Variants in ANO1 observed in about 807,000 individuals in gnomAD.
ANO1 encodes the protein anoctamin-1.
In ANO1, 59 loss-of-function variants were observed where a neutral mutation model predicts 124.0. The ratio of observed to expected loss-of-function variants is 0.48; its 90% CI spans 0.39 to 0.59. The LOEUF (loss-of-function observed/expected upper bound fraction) is 0.59, where lower values mean the gene tolerates loss of function less well. Among genes scored for constraint, ANO1 ranks in the 20% least tolerant of loss-of-function variants. ANO1 has a pLI of 0.00. For synonymous variants in ANO1, 529 were observed against 532.0 expected (o/e 0.99, Z 0.08); for missense variants, 1,059 against 1,328.0 (o/e 0.80, Z 3.15).
intron 23 of ANO1, among the ~76,000 whole-genome samples, chr11:70,180,424 C>G (rs1383619312): frequency 1.3e-5 from 2 of 152,158 alleles, no homozygotes; most frequent in African/African-American, 2.4e-5. Flanking sequence ...AGGCACCCAC[C>G]ACCACACCTG....
chr11:70,102,981 A>G (rs1371337146), intron 2 of ANO1, 85 bp from the exon 3 acceptor site: 1 of 934,486 alleles, frequency 1.1e-6, no homozygotes. Context: ...TGCTCGATAA[A>G]TTGTGGTGGC....
chr11:70,179,411 A>G (rs1182943216), intron 22 of ANO1, among the ~76,000 whole-genome samples: 1 of 152,144 alleles, frequency 6.6e-6, no homozygotes. Flanking sequence ...GGGAAGACGA[A>G]TGGAGAGACC....
chr11:70,039,837 G>C (rs1342357415), intron 1 of ANO1, among the ~76,000 whole-genome samples: 2 of 152,186 alleles, frequency 1.3e-5, no homozygotes, highest in South Asian at 4.1e-4. Context: ...CAAAGAGCCA[G>C]CTTTTCAGCT....
At chr11:70,031,788 C>T (rs145372773) in intron 1 of ANO1, among the ~76,000 whole-genome samples, 3 of 152,338 alleles carry the variant, frequency 2.0e-5, no homozygotes, top group Non-Finnish European at 4.4e-5. Flanking sequence ...AGGCCGCCAG[C>T]CGACTCTCAG....
chr11:69,996,619 A>G (rs1856276198), intron 1 of ANO1, among the ~76,000 whole-genome samples: 1 of 152,164 alleles, frequency 6.6e-6, no homozygotes. Flanking sequence ...TCGTCCTTGA[A>G]CTGGTAACAG....
chr11:70,068,012 T>C (rs538028442), intron 1 of ANO1, among the ~76,000 whole-genome samples: 5 of 152,302 alleles, frequency 3.3e-5, no homozygotes, highest in South Asian at 4.1e-4. Context: ...ATAAATAGGC[T>C]GATTGCCCCT....
In ANO1 at chr11:70,104,108, T is replaced by A; in HGVS notation, c.650T>A (p.Met217Lys). 2 of 1,613,010 alleles carry A rather than the reference T, an allele frequency of 1.2e-6. No homozygotes were observed. Among genetic ancestry groups the A allele is most frequent in the Non-Finnish European group, 1.7e-6 (2 of 1,179,624 alleles). The change falls in exon 4 of 26, where the codon ATG becomes AAG. Residue 217 changes from methionine (M) to lysine (K), a missense_variant. Met to Lys is a moderately conservative substitution (Grantham distance 95). This residue lies in a region of ANO1 where 809 missense variants were observed against 1,094.9 expected (regional missense o/e 0.74). Coordinates refer to ENST00000355303, the MANE Select transcript of ANO1 (RefSeq NM_018043.7). The stretch of plus-strand genomic sequence containing the variant: ...GTGGCTGAGCACAGGCCCCAGACCA[T>A]GAAGAGACTCTCCTATCCCTTCTCC... ...PKVAEHRPQTMKRLSYPFSRE... is the reference protein window; with the variant it reads ...PKVAEHRPQTKKRLSYPFSRE...
At chr11:70,163,038 C>T (rs1422211925) in intron 18 of ANO1, among the ~76,000 whole-genome samples, 2 of 152,264 alleles carry the variant, frequency 1.3e-5, no homozygotes, top group African/African-American at 2.4e-5. Flanking sequence ...CTCTCAGTCT[C>T]GTGGCCTCTC....
chr11:70,155,082 A>G (rs1161502948), intron 14 of ANO1, among the ~76,000 whole-genome samples: 1 of 152,248 alleles, frequency 6.6e-6, no homozygotes, highest in Non-Finnish European at 1.5e-5. Context: ...TATGGCCTCC[A>G]AGACAGCCCA....
At chr11:70,001,635 A>G (rs868913848) in intron 1 of ANO1, among the ~76,000 whole-genome samples, 4 of 152,334 alleles carry the variant, frequency 2.6e-5, no homozygotes, top group African/African-American at 9.6e-5. Context: ...ATCCATGGGG[A>G]TAGAAACCAG....
chr11:70,036,084 C>G (rs1857088685), intron 1 of ANO1, among the ~76,000 whole-genome samples: 1 of 152,174 alleles, frequency 6.6e-6, no homozygotes, highest in African/African-American at 2.4e-5. Flanking sequence ...CCACCATCAA[C>G]TGGGGGCCTT....
At chr11:70,187,224 C>T (rs12221961) in intron 25 of ANO1, among the ~76,000 whole-genome samples, 33,864 of 152,226 alleles carry the variant, frequency 0.22, 4,083 homozygotes, top group South Asian at 0.3. Context: ...GGTGCTCACA[C>T]GTGCTTGCTG....
At chr11:70,130,962 G>A (rs1026754834) in intron 10 of ANO1, among the ~76,000 whole-genome samples, 1 of 152,252 alleles carries the variant, frequency 6.6e-6, no homozygotes, top group Non-Finnish European at 1.5e-5. Context: ...TGGAGATGCT[G>A]TGTGAACCGC....
At chr11:70,105,588 A>G (rs748889098) in intron 4 of ANO1, 146 bp from the exon 5 acceptor site, 8 of 704,756 alleles carry the variant, frequency 1.1e-5, no homozygotes, top group Non-Finnish European at 1.9e-5. Flanking sequence ...CCAGGGGCGG[A>G]CGGGTCATAC....
intron 11 of ANO1, among the ~76,000 whole-genome samples, chr11:70,144,850 G>C (rs1179613668): frequency 6.6e-6 from 1 of 152,218 alleles, no homozygotes; most frequent in South Asian, 2.1e-4. Context: ...GCCCTTACTT[G>C]ATGAGTCCCC....
At chr11:69,981,630 C>T (rs2120254723), upstream of ANO1, among the ~76,000 whole-genome samples, 1 of 152,304 alleles carries the variant, frequency 6.6e-6, no homozygotes, top group East Asian at 1.9e-4. Flanking sequence ...TGGTGAGCAG[C>T]TGCCTCGGAG....
chr11:70,037,164 C>A (rs1271654075), intron 1 of ANO1, among the ~76,000 whole-genome samples: 1 of 152,136 alleles, frequency 6.6e-6, no homozygotes, highest in East Asian at 1.9e-4. Context: ...CGGAACTCCA[C>A]CCTGAGAAAT....
At chr11:70,101,371 C>T (rs1346738573) in intron 2 of ANO1, among the ~76,000 whole-genome samples, 1 of 151,924 alleles carries the variant, frequency 6.6e-6, no homozygotes, top group Non-Finnish European at 1.5e-5. Context: ...GCCTGGCCAA[C>T]ATGGTGAAAC....
chr11:70,174,539 G>T (rs775481946), intron 22 of ANO1, among the ~76,000 whole-genome samples: 8 of 152,220 alleles, frequency 5.3e-5, no homozygotes, highest in Non-Finnish European at 8.8e-5. Context: ...TCAGCATAGC[G>T]CTGCTTTGAA....
Sources: gnomAD v4.1 joint callset for allele counts (sites outside exome capture counted in the v4.1 genomes callset) on GRCh38, gnomAD v4.1.1 for gene constraint, gnomAD v4.1.1 regional missense constraint, MANE v1.5 for transcripts, NCBI Gene and HGNC (gene_info 2026-07-23, HGNC 2026-07-21) for gene names.